The following SPAG16 variants were observed in gnomAD, a reference collection of about 807,000 sequenced individuals.
SPAG16 encodes the protein sperm-associated antigen 16 protein.
In SPAG16, 86 loss-of-function variants were observed where a neutral mutation model predicts 80.4. That is an observed-to-expected ratio of 1.07 (90% CI 0.90 to 1.28). The LOEUF is 1.28. SPAG16 is among the 50% of genes most tolerant of loss of function. The pLI is 0.00. For synonymous variants in SPAG16, 294 were observed against 265.9 expected, an observed-to-expected ratio of 1.11 and a Z score of -1.03; for missense variants, 870 against 765.3, an observed-to-expected ratio of 1.14 and a Z score of -1.61.
At chr2:214,365,774 G>A (rs530264614) in intron 15 of SPAG16, among the ~76,000 whole-genome samples, 3 of 152,014 alleles carry the variant, frequency 2.0e-5, no homozygotes, top group Non-Finnish European at 4.4e-5. Flanking sequence ...TTAGTCTGTC[G>A]TATAAAACAA....
chr2:213,501,027 TTCTAA>T (rs2074719428), intron 10 of SPAG16, among the ~76,000 whole-genome samples: 1 of 152,198 alleles, frequency 6.6e-6, no homozygotes, highest in African/African-American at 2.4e-5. Context: ...ACCTGTATAT[TTCTAA>T]TCTCCTATCC....
At chr2:214,318,370 A>ATTTTTTTTTTTTTTTTTTTTTTTT (rs1553554217) in intron 15 of SPAG16, among the ~76,000 whole-genome samples, 1 of 108,000 alleles carries the variant, frequency 9.3e-6, no homozygotes, top group Non-Finnish European at 2.1e-5. Flanking sequence ...GTGAGAGTGA[A>ATTTTTTTTTTTTTTTTTTTTTTTT]TTCTTTTTTT....
chr2:214,248,964 T>C (rs2125843863), intron 15 of SPAG16, among the ~76,000 whole-genome samples: 1 of 152,276 alleles, frequency 6.6e-6, no homozygotes, highest in South Asian at 2.1e-4. Context: ...AAGGCAAGAA[T>C]AGTTTTGGCA....
chr2:213,312,310 T>C (rs2126121837), intron 4 of SPAG16, among the ~76,000 whole-genome samples: 1 of 151,774 alleles, frequency 6.6e-6, no homozygotes, highest in African/African-American at 2.4e-5. Flanking sequence ...ATATGCCTAT[T>C]TTAGAATTCT....
intron 14 of SPAG16, among the ~76,000 whole-genome samples, chr2:214,132,786 G>A (rs2054844503): frequency 6.6e-6 from 1 of 152,130 alleles, no homozygotes; most frequent in African/African-American, 2.4e-5. Context: ...ACATTTGAGA[G>A]TCTCAAATTT....
In SPAG16 at chr2:214,351,277, T is replaced by C. The variant is rs137857860; in HGVS notation, c.1721-58863T>C. 8.0e-3 allele frequency among the ~76,000 whole-genome samples: 1,225 copies of C among 152,294 alleles called. 7 individuals carry two copies. Among genetic ancestry groups the C allele is most frequent in the Non-Finnish European group, 0.014 (985 of 68,022 alleles). On this transcript the variant is annotated intron_variant, in intron 15 of 15. Transcript: ENST00000331683. The stretch of plus-strand genomic sequence containing the variant: ...CTGTGTGTGTGTATGTTTGTATGTA[T>C]TCAGTAGCATTGTAGGATCACTTCT...
At chr2:213,678,440 A>T (rs2064211069) in intron 10 of SPAG16, among the ~76,000 whole-genome samples, 1 of 152,202 alleles carries the variant, frequency 6.6e-6, no homozygotes, top group South Asian at 2.1e-4. Flanking sequence ...AGGGGATATC[A>T]CCACCGATCC....
At chr2:213,473,770 A>G (rs557811328) in intron 9 of SPAG16, among the ~76,000 whole-genome samples, 39 of 152,248 alleles carry the variant, frequency 2.6e-4, no homozygotes, top group African/African-American at 8.9e-4. Context: ...ATCCATTCCC[A>G]TGCCTGTTCT....
chr2:213,952,586 G>C (rs1052748630), intron 12 of SPAG16, among the ~76,000 whole-genome samples: 4 of 152,132 alleles, frequency 2.6e-5, no homozygotes, highest in Non-Finnish European at 2.9e-5. Flanking sequence ...CCAACACACA[G>C]ACATACTCAA....
intron 11 of SPAG16, among the ~76,000 whole-genome samples, chr2:213,907,345 G>C (rs539044973): frequency 6.6e-6 from 1 of 152,208 alleles, no homozygotes; most frequent in South Asian, 2.1e-4. Flanking sequence ...TCTCACCCTA[G>C]TTAGAATGGC....
chr2:214,339,832 G>A (rs1697544158), intron 15 of SPAG16, among the ~76,000 whole-genome samples: 1 of 152,134 alleles, frequency 6.6e-6, no homozygotes, highest in African/African-American at 2.4e-5. Flanking sequence ...GACAAAAGGG[G>A]TTTTGTAGAT....
intron 9 of SPAG16, among the ~76,000 whole-genome samples, chr2:213,447,694 A>C (rs1278191065): frequency 6.6e-6 from 1 of 152,194 alleles, no homozygotes; most frequent in East Asian, 1.9e-4. Context: ...GACTATTCCT[A>C]TACAGAGTTG....
At chr2:214,015,180 A>C (rs937698076) in intron 13 of SPAG16, among the ~76,000 whole-genome samples, 1 of 152,170 alleles carries the variant, frequency 6.6e-6, no homozygotes, top group African/African-American at 2.4e-5. Flanking sequence ...AGGACATGAA[A>C]ACCCTTACTG....
At chr2:213,446,048 T>C (rs2071288673) in intron 9 of SPAG16, among the ~76,000 whole-genome samples, 1 of 151,928 alleles carries the variant, frequency 6.6e-6, no homozygotes. Context: ...ACTTACAACA[T>C]AGTCAAACCC....
At chr2:213,464,958 C>T (rs2072598139) in intron 9 of SPAG16, among the ~76,000 whole-genome samples, 1 of 152,070 alleles carries the variant, frequency 6.6e-6, no homozygotes, top group Non-Finnish European at 1.5e-5. Flanking sequence ...TTTATGGAGC[C>T]CTCCCAGATT....
intron 10 of SPAG16, among the ~76,000 whole-genome samples, chr2:213,600,787 T>A (rs2061034997): frequency 6.6e-6 from 1 of 152,224 alleles, no homozygotes; most frequent in Admixed American, 6.5e-5. Flanking sequence ...TTAAAGACAC[T>A]CTCTGTCCTT....
At chr2:213,863,129 T>C (rs2075547867) in intron 11 of SPAG16, among the ~76,000 whole-genome samples, 1 of 151,740 alleles carries the variant, frequency 6.6e-6, no homozygotes, top group Non-Finnish European at 1.5e-5. Context: ...TCACTGAACC[T>C]AAATTCATTT....
chr2:214,072,663 G>T (rs1420217569), intron 13 of SPAG16, among the ~76,000 whole-genome samples: 1 of 151,988 alleles, frequency 6.6e-6, no homozygotes, highest in Non-Finnish European at 1.5e-5. Context: ...AGAAATGAAA[G>T]CATTTGAAAA....
chr2:213,489,932 C>G (rs1445766465), intron 9 of SPAG16, 31 bp from the exon 10 acceptor site: 39 of 1,566,704 alleles, frequency 2.5e-5, no homozygotes, highest in African/African-American at 4.1e-5. Context: ...TGATATTTAA[C>G]ACAGAGCTCT....
Sources: allele counts gnomAD v4.1 joint callset (sites outside exome capture counted in the v4.1 genomes callset), GRCh38; gene constraint gnomAD v4.1.1; transcripts MANE v1.5; gene names NCBI Gene and HGNC (gene_info 2026-07-23, HGNC 2026-07-21).